FAM76A: variants seen among roughly 807,000 people sequenced by gnomAD.
The protein encoded by FAM76A is protein FAM76A.
In FAM76A, 32 loss-of-function variants were observed where a neutral mutation model predicts 46.2. That is an observed-to-expected ratio of 0.69 (90% CI 0.52 to 0.93). The LOEUF (loss-of-function observed/expected upper bound fraction) is 0.93. FAM76A is among the 40% of genes least tolerant of loss of function. FAM76A has a pLI of 0.00. For synonymous variants in FAM76A, 137 were observed against 127.0 expected, an observed-to-expected ratio of 1.08 and a Z score of -0.53; for missense variants, 274 against 361.5, an observed-to-expected ratio of 0.76 and a Z score of 1.96.
intron 6 of FAM76A, among the ~76,000 whole-genome samples, chr1:27,751,088 G>GGCTGCAGTGAGCCATGATTGCGCC (rs1399809323): frequency 6.6e-6 from 1 of 152,122 alleles, no homozygotes; most frequent in Non-Finnish European, 1.5e-5. Context: ...GGGAAGTTGA[G>GGCTGCAGTGAGCCATGATTGCGCC]GCTGCAGTGA....
At chr1:27,732,317 C>T (rs555129432) in intron 2 of FAM76A, among the ~76,000 whole-genome samples, 1 of 152,196 alleles carries the variant, frequency 6.6e-6, no homozygotes, top group Admixed American at 6.5e-5. Context: ...ATGATTCCAG[C>T]TACTTGGGAG....
chr1:27,751,808 G>GT (rs930933142), intron 6 of FAM76A, among the ~76,000 whole-genome samples: 11 of 147,320 alleles, frequency 7.5e-5, no homozygotes, highest in East Asian at 2.0e-4. Context: ...GGCTTTTTTT[G>GT]TTTTTTTTCT....
chr1:27,742,755 A>G (rs1397531296), intron 4 of FAM76A, among the ~76,000 whole-genome samples: 1 of 152,158 alleles, frequency 6.6e-6, no homozygotes, highest in African/African-American at 2.4e-5. Context: ...TCTCACCACA[A>G]AAAAACAAAC....
chr1:27,727,968 C>T (rs765159919), intron 2 of FAM76A, among the ~76,000 whole-genome samples: 12 of 151,878 alleles, frequency 7.9e-5, no homozygotes, highest in African/African-American at 1.5e-4. Flanking sequence ...CCACCATGTC[C>T]GGCTAGTTTT....
chr1:27,732,294 G>A lies in FAM76A; in HGVS notation c.147-309G>A, dbSNP rs1269244173. Among the ~76,000 whole-genome samples the A allele has an allele frequency of 2.6e-5, 4 of 152,276 alleles. No individual in the cohort carries two copies. In the South Asian group the frequency reaches 8.3e-4, roughly 32 times the overall value. ...AAAATATAAAAATTAGTTGGGTGTG[G>A]TGGTGCGCGCCTATGATTCCAGCTA... On this transcript the variant is annotated intron_variant, in intron 2 of 8. Transcript: ENST00000373954.
rs941023809 is a variant in FAM76A, at chr1:27,762,069, A to G, written c.*1488A>G. On this transcript the variant is annotated 3_prime_UTR_variant, in exon 9 of 9. Coordinates refer to ENST00000373954, the MANE Select transcript of FAM76A (RefSeq NM_152660.3). ...TGAGTCTGGGAAAAGTGGTATCACT[A>G]TACCTTCTCCCCACTCCTCACCCAC... 1 of 151,976 alleles carries G rather than the reference A, an allele frequency of 6.6e-6. No homozygotes were observed. Among genetic ancestry groups the G allele is most frequent in the Middle Eastern group, 3.2e-3 (1 of 312 alleles). The allele number at this position is 151,976 out of a possible 1,614,324, so 9.4% of individuals were successfully genotyped here. A position where few individuals can be genotyped will look rare whatever the true frequency, so the allele number is the denominator to read the frequency against.
chr1:27,756,346 G>A lies in FAM76A; in HGVS notation c.735+1016G>A, dbSNP rs141155402. ...TTCTTTTTTTGTTTTTTGAGACAGA[G>A]TCTCTGTCGCCCAGGCTCACTGCAA... On this transcript the variant is annotated intron_variant, in intron 7 of 8. Coordinates refer to ENST00000373954, the MANE Select transcript of FAM76A (RefSeq NM_152660.3). 3.6e-3 allele frequency among the ~76,000 whole-genome samples: 541 copies of A among 151,874 alleles called. 2 individuals carry two copies. Among genetic ancestry groups the A allele is most frequent in the African/African-American group, 0.013 (519 of 41,396 alleles).
At chr1:27,728,552 A>C (rs866644539) in intron 2 of FAM76A, among the ~76,000 whole-genome samples, 1 of 151,964 alleles carries the variant, frequency 6.6e-6, no homozygotes, top group Non-Finnish European at 1.5e-5. Flanking sequence ...AGATTTTGCC[A>C]TGTTACCCAG....
intron 2 of FAM76A, among the ~76,000 whole-genome samples, chr1:27,729,790 A>C (rs915775209): frequency 6.6e-6 from 1 of 152,154 alleles, no homozygotes; most frequent in African/African-American, 2.4e-5. Flanking sequence ...ATTGGCTTAC[A>C]CTAACATGCT....
intron 8 of FAM76A, 28 bp downstream of exon 8, chr1:27,759,655 T>C (rs758362731): frequency 6.8e-7 from 1 of 1,470,462 alleles, no homozygotes; most frequent in Non-Finnish European, 9.5e-7. Context: ...TTTTATGTGC[T>C]AAAATTGTGT....
At position 27,744,783 on chromosome 1, in the gene FAM76A, C is replaced by T. The variant is rs1018915604; in HGVS notation, c.484C>T (p.Arg162Cys). The T allele has an allele frequency of 3.7e-6, 6 of 1,614,022 alleles. No individual in the cohort carries two copies. Among genetic ancestry groups the T allele is most frequent in the Non-Finnish European group, 4.2e-6 (5 of 1,180,036 alleles). The change falls in exon 5 of 9, where the codon CGC (arginine) becomes TGC (cysteine). Residue 162 changes from arginine (R) to cysteine (C), a missense_variant. Coordinates refer to ENST00000373954, the MANE Select transcript of FAM76A (RefSeq NM_152660.3). ...CCACCAGGAGAAGGAGCAGTATAGT[C>T]GCCTGAGTGGTGGTGGCCATTATAA... ...AGHQEKEQYS[R>C]LSGGGHYNSQ...
At chr1:27,755,106 T>C (rs1571498608) in intron 6 of FAM76A, 89 bp from the exon 7 acceptor site, 1 of 1,445,808 alleles carries the variant, frequency 6.9e-7, no homozygotes, top group East Asian at 2.3e-5. Flanking sequence ...CTTTAGGAGC[T>C]TGCAGACAAG....
intron 3 of FAM76A, among the ~76,000 whole-genome samples, chr1:27,733,671 A>G (rs184394380): frequency 2.0e-4 from 31 of 152,120 alleles, no homozygotes; most frequent in Non-Finnish European, 3.7e-4. Context: ...AACATGGTGA[A>G]ACCCCATCTC....
At chr1:27,734,639 A>C (rs539367375) in intron 4 of FAM76A, among the ~76,000 whole-genome samples, 12 of 152,318 alleles carry the variant, frequency 7.9e-5, no homozygotes, top group Admixed American at 4.6e-4. Context: ...AGATATTCAT[A>C]TTTTGTTTTC....
At chr1:27,729,282 A>AG (rs2087916081) in intron 2 of FAM76A, among the ~76,000 whole-genome samples, 1 of 151,304 alleles carries the variant, frequency 6.6e-6, no homozygotes, top group Non-Finnish European at 1.5e-5. Context: ...ATCTCAGCTC[A>AG]CTGCAACCTC....
Position 27,755,251 on chromosome 1 carries a change from C to A in FAM76A, c.656C>A (p.Ala219Asp), listed in dbSNP as rs758632651. The A allele has an allele frequency of 6.2e-7, 1 of 1,614,118 alleles. No individual in the cohort carries two copies. The highest frequency in any genetic ancestry group is 8.5e-7 in the Non-Finnish European group (1 of 1,180,012). The change falls in exon 7 of 9, where the codon GCC becomes GAC. Residue 219 changes from alanine to aspartate, a missense_variant. By Grantham distance (126) the Ala-to-Asp change is moderately radical (BLOSUM62 -2). Transcript: ENST00000373954. ...GGCACTGACCACTTTGTCATCATTG[C>A]CCAACTGAAGGAAGAAGTGGCTACC... is the stretch of plus-strand genomic sequence containing the variant. ...SPGTDHFVII[A>D]QLKEEVATLK...
chr1:27,740,063 T>C, intron 4 of FAM76A: 1 of 407,872 alleles, frequency 2.5e-6, no homozygotes, highest in Non-Finnish European at 4.8e-6. Flanking sequence ...ATGTCATGGA[T>C]GGGCACTTTG....
chr1:27,755,904 C>T (rs1029845066), intron 7 of FAM76A, among the ~76,000 whole-genome samples: 5 of 152,118 alleles, frequency 3.3e-5, no homozygotes, highest in African/African-American at 1.2e-4. Flanking sequence ...ACTGAGCTTA[C>T]AGAGACAATG....
intron 1 of FAM76A, among the ~76,000 whole-genome samples, chr1:27,726,815 A>G (rs189166982): frequency 4.9e-4 from 75 of 152,118 alleles, no homozygotes; most frequent in Non-Finnish European, 9.3e-4. Flanking sequence ...TGAAGGTCCA[A>G]CTTCTCTTTT....
Sources: allele counts gnomAD v4.1 joint callset (sites outside exome capture counted in the v4.1 genomes callset), GRCh38; gene constraint gnomAD v4.1.1; transcripts MANE v1.5; gene names NCBI Gene and HGNC (gene_info 2026-07-23, HGNC 2026-07-21).